Variants in HECW1 observed in about 807,000 individuals in gnomAD.
HECW1 encodes HECT, C2 and WW domain containing E3 ubiquitin protein ligase 1, also known as E3 ubiquitin-protein ligase HECW1.
Under a neutral mutation model 182.3 loss-of-function variants are expected in HECW1, and 61 were observed. That is an observed-to-expected ratio of 0.33 (90% CI 0.27 to 0.41). The LOEUF (loss-of-function observed/expected upper bound fraction) is 0.41, where lower values mean the gene tolerates loss of function less well. HECW1 is among the 10% of genes least tolerant of loss of function. The pLI is 1.00. For missense variants in HECW1, 1,739 were observed against 2,108.9 expected (o/e 0.82, Z 3.44); for synonymous variants, 859 against 832.6 (o/e 1.03, Z -0.55).
At chr7:43,523,037 C>T in intron 24 of HECW1, 1 of 447,320 alleles carries the variant, frequency 2.2e-6, no homozygotes, top group Non-Finnish European at 4.5e-6. Flanking sequence ...GAATTTCGCT[C>T]TTGTCCCCCA....
At chr7:43,412,920 G>A (rs1196131133) in intron 8 of HECW1, among the ~76,000 whole-genome samples, 1 of 148,190 alleles carries the variant, frequency 6.7e-6, no homozygotes, top group Non-Finnish European at 1.5e-5. Context: ...ACATACGTGT[G>A]CATGTGTCTT....
At chr7:43,330,242 C>T (rs1584501189) in intron 5 of HECW1, among the ~76,000 whole-genome samples, 1 of 152,212 alleles carries the variant, frequency 6.6e-6, no homozygotes, top group Non-Finnish European at 1.5e-5. Context: ...CTGGGACACT[C>T]ACTCTTAAAG....
At chr7:43,236,872 A>G (rs983787622) in intron 2 of HECW1, among the ~76,000 whole-genome samples, 1 of 152,136 alleles carries the variant, frequency 6.6e-6, no homozygotes, top group Non-Finnish European at 1.5e-5. Flanking sequence ...TAGCTGCCTT[A>G]TTTAGGAATA....
rs560322283 is a variant in HECW1, at chr7:43,389,790, A to G, written c.556-7024A>G. ...CAAGTAACTGGGACTACAGGTGTGC[A>G]CCACCATGCCTGACTAAATTTTTGT... On this transcript the variant is annotated intron_variant, in intron 6 of 29. Transcript: ENST00000395891. Among the ~76,000 whole-genome samples the G allele has an allele frequency of 6.6e-5, 10 of 152,142 alleles. No individual in the cohort carries two copies. In the South Asian group the frequency reaches 2.1e-3, roughly 32 times the overall value.
intron 8 of HECW1, among the ~76,000 whole-genome samples, chr7:43,424,939 C>T (rs2076308675): frequency 6.6e-6 from 1 of 152,032 alleles, no homozygotes; most frequent in Non-Finnish European, 1.5e-5. Context: ...TTAACGCATC[C>T]ATCCTTGACT....
At position 43,466,097 on chromosome 7, in the gene HECW1, A is replaced by G. The variant is rs544856579; in HGVS notation, c.2792-350A>G. 9.4e-5 allele frequency among the ~76,000 whole-genome samples: 14 copies of G among 148,442 alleles called. No homozygotes were observed. In the South Asian group the frequency reaches 3.1e-3, roughly 33 times the overall value. ...AAGGAAGGAGAGAGAAGAAAGAGAA[A>G]GAAGGAAAGAAAGATGAAAGAAAGA... On this transcript the variant is annotated intron_variant, in intron 14 of 29. Coordinates refer to ENST00000395891, the MANE Select transcript of HECW1 (RefSeq NM_015052.5).
intron 5 of HECW1, among the ~76,000 whole-genome samples, chr7:43,324,170 A>G (rs1022120065): frequency 1.3e-5 from 2 of 152,258 alleles, no homozygotes; most frequent in Non-Finnish European, 2.9e-5. Context: ...TTGGACTAGC[A>G]ATGTCCCAGT....
In HECW1 at chr7:43,519,358, G is replaced by A. The variant is rs372177905; in HGVS notation, c.4019+10237G>A. Reference sequence around the variant, plus strand: ...CCTTCCTGGTTCAAGCGATTCTCCTGCCTCAGCCTCCTGAGTAGCTGGGAC... The same window carrying A: ...CCTTCCTGGTTCAAGCGATTCTCCTACCTCAGCCTCCTGAGTAGCTGGGAC... On this transcript the variant is annotated intron_variant, in intron 24 of 29. Coordinates refer to ENST00000395891, the MANE Select transcript of HECW1 (RefSeq NM_015052.5). Among the ~76,000 whole-genome samples, 6 of 152,156 alleles carry A rather than the reference G, an allele frequency of 3.9e-5. No homozygotes were observed. The East Asian group carries it at 1.2e-3, about 29-fold the overall frequency.
chr7:43,485,074 G>A (rs1019115398), intron 17 of HECW1, among the ~76,000 whole-genome samples: 2 of 152,128 alleles, frequency 1.3e-5, no homozygotes, highest in Non-Finnish European at 1.5e-5. Context: ...TTAGAAAATC[G>A]TTAGTCATAG....
chr7:43,441,583 T>G (rs974426258), intron 9 of HECW1, among the ~76,000 whole-genome samples: 16 of 152,216 alleles, frequency 1.1e-4, no homozygotes, highest in African/African-American at 3.6e-4. Flanking sequence ...GAACACAGGT[T>G]GGCAAACTTT....
chr7:43,478,409 G>A (rs1437975333), intron 16 of HECW1, among the ~76,000 whole-genome samples: 1 of 151,690 alleles, frequency 6.6e-6, no homozygotes, highest in Admixed American at 6.6e-5. Flanking sequence ...GGCAATGAGA[G>A]TGAAACTCCG....
intron 27 of HECW1, 121 bp from the exon 28 acceptor site, chr7:43,552,101 G>C: frequency 1.5e-6 from 1 of 662,002 alleles, no homozygotes; most frequent in East Asian, 2.7e-5. Flanking sequence ...AATGATTACA[G>C]ACTCAAAAAA....
intron 3 of HECW1, among the ~76,000 whole-genome samples, chr7:43,302,505 G>A (rs1271971382): frequency 6.6e-6 from 1 of 152,220 alleles, no homozygotes; most frequent in African/African-American, 2.4e-5. Flanking sequence ...CCTGGTTACG[G>A]GAAGAGGCAC....
chr7:43,211,496 A>G (rs946377165), intron 2 of HECW1, among the ~76,000 whole-genome samples: 30 of 152,136 alleles, frequency 2.0e-4, no homozygotes, highest in Non-Finnish European at 2.2e-4. Context: ...TCACAGTCTC[A>G]TGGGACAGTG....
chr7:43,243,276 A>G lies in HECW1; in HGVS notation c.-31-599A>G, dbSNP rs957250219. Reference sequence around the variant, plus strand: ...CAAGTCCTGTATGCTAATTTTGGACATGGTAGCTCTAAAGTGCCAATGGTG... The same window carrying G: ...CAAGTCCTGTATGCTAATTTTGGACGTGGTAGCTCTAAAGTGCCAATGGTG... On this transcript the variant is annotated intron_variant, in intron 2 of 29. Coordinates refer to ENST00000395891, the MANE Select transcript of HECW1 (RefSeq NM_015052.5). This position sits in a 1 kb window ranked among gnomAD's most constrained non-coding sequence, Gnocchi z 4.0. Among the ~76,000 whole-genome samples the G allele has an allele frequency of 1.3e-5, 2 of 152,206 alleles. No individual in the cohort carries two copies. The highest frequency in any genetic ancestry group is 2.9e-5 in the Non-Finnish European group (2 of 68,042).
rs77055342 is a variant in HECW1, at chr7:43,390,144, C to T, written c.556-6670C>T. 7.3e-3 allele frequency among the ~76,000 whole-genome samples: 1,117 copies of T among 152,142 alleles called. 10 individuals carry two copies. The highest frequency in any genetic ancestry group is 0.026 in the African/African-American group (1,063 of 41,512). ...CTCTCTTTTTCCTCGTAGTGATTAG[C>T]ATAAGAGCCCTGAAATTGAGGACCC... is the stretch of plus-strand genomic sequence containing the variant. On this transcript the variant is annotated intron_variant, in intron 6 of 29. Coordinates refer to ENST00000395891, the MANE Select transcript of HECW1 (RefSeq NM_015052.5).
chr7:43,296,290 T>G (rs1019322444), intron 3 of HECW1, among the ~76,000 whole-genome samples: 1 of 152,230 alleles, frequency 6.6e-6, no homozygotes, highest in Non-Finnish European at 1.5e-5. Context: ...CCTTGCTGTT[T>G]TTTCTTAATT....
chr7:43,399,476 C>G (rs1417679224), intron 7 of HECW1, among the ~76,000 whole-genome samples: 7 of 152,250 alleles, frequency 4.6e-5, no homozygotes, highest in Non-Finnish European at 1.0e-4. Flanking sequence ...TACTGCACAA[C>G]TATGTGCCAG....
chr7:43,555,835 A>G (rs577907612), intron 29 of HECW1, among the ~76,000 whole-genome samples: 2 of 152,394 alleles, frequency 1.3e-5, no homozygotes, highest in East Asian at 3.9e-4. Flanking sequence ...TGGCTCTACC[A>G]ATAGCTAAAC....
Sources: allele counts gnomAD v4.1 joint callset (sites outside exome capture counted in the v4.1 genomes callset), GRCh38; gene constraint gnomAD v4.1.1; non-coding constraint Gnocchi (gnomAD v3.1); transcripts MANE v1.5; gene names NCBI Gene and HGNC (gene_info 2026-07-23, HGNC 2026-07-21).